FRMPD2: variants seen among roughly 807,000 people sequenced by gnomAD.
The protein encoded by FRMPD2 is FERM and PDZ domain containing 2, also known as FERM and PDZ domain-containing protein 2.
FRMPD2 carries 96 observed loss-of-function variants against 140.1 expected under a neutral mutation model. The ratio of observed to expected loss-of-function variants is 0.69; its 90% confidence interval spans 0.58 to 0.81. The LOEUF is 0.81. FRMPD2 is among the 40% of genes least tolerant of loss of function. The probability of loss-of-function intolerance (pLI) is 0.00; values close to 1 mark genes in which losing one functional copy is unlikely to be tolerated. For synonymous variants in FRMPD2, 449 were observed against 547.6 expected (o/e 0.82, Z 2.52); for missense variants, 1,240 against 1,447.4 (o/e 0.86, Z 2.32).
At chr10:48,213,640 T>G (rs1447612664) in intron 12 of FRMPD2, among the ~76,000 whole-genome samples, 5 of 151,936 alleles carry the variant, frequency 3.3e-5, no homozygotes, top group Admixed American at 1.3e-4. Context: ...TATTGTCCAG[T>G]GCTAAAAAAA....
rs376234330 is a variant in FRMPD2, at chr10:48,178,038, A to T, written c.2895+9T>A. ...TAACTGCTTTTCAAGCTCTCCTAAA[A>T]ACTCTTACAGTTACACTGAATCCAA... On this transcript the variant is annotated intron_variant, in intron 22 of 28. Coordinates refer to ENST00000374201, the MANE Select transcript of FRMPD2 (RefSeq NM_001018071.4). 9 of 1,549,998 alleles carry T rather than the reference A, an allele frequency of 5.8e-6. No homozygotes were observed. In the African/African-American group the frequency reaches 1.2e-4, roughly 21 times the overall value.
chr10:48,194,642 GC>G (rs1477916368), intron 15 of FRMPD2, among the ~76,000 whole-genome samples: 1 of 152,160 alleles, frequency 6.6e-6, no homozygotes, highest in Admixed American at 6.5e-5. Flanking sequence ...GAGCTCAAGG[GC>G]CTGTGAGATG....
intron 10 of FRMPD2, among the ~76,000 whole-genome samples, chr10:48,227,355 C>G (rs1249521799): frequency 2.0e-5 from 3 of 152,132 alleles, no homozygotes; most frequent in Non-Finnish European, 4.4e-5. Flanking sequence ...CTTCTCTGGT[C>G]TCCACCAGCT....
chr10:48,269,301 T>C (rs879940094), intron 1 of FRMPD2, among the ~76,000 whole-genome samples: 5 of 152,226 alleles, frequency 3.3e-5, no homozygotes, highest in Non-Finnish European at 7.3e-5. Context: ...GAGCCATCTA[T>C]CAAAATTGAG....
In FRMPD2 at chr10:48,171,221, A is replaced by T. The variant is rs1156774793; in HGVS notation, c.3224-13T>A. 4.3e-6 allele frequency: 3 copies of T among 700,034 alleles called. No individual in the cohort carries two copies. The highest frequency in any genetic ancestry group is 2.0e-5 in the Admixed American group (1 of 50,396). 43.4% of individuals were successfully genotyped at this position (700,034 alleles called of 1,614,324 possible). ...TCAAACTTAGGACCTGTAGTGTGGG[A>T]TGTTGATAAAAATAAATTCTTCAGT... is the stretch of plus-strand genomic sequence containing the variant. On this transcript the variant is annotated splice_polypyrimidine_tract_variant and intron_variant, in intron 25 of 28. Transcript: ENST00000374201.
At chr10:48,250,904 C>A (rs280611) in intron 2 of FRMPD2, among the ~76,000 whole-genome samples, 13,673 of 149,000 alleles carry the variant, frequency 0.092, 2,045 homozygotes, top group African/African-American at 0.32. Flanking sequence ...TCAGGAAATT[C>A]TCCTGTCTCC....
At chr10:48,200,646 C>G (rs1272026166) in intron 15 of FRMPD2, among the ~76,000 whole-genome samples, 1 of 152,200 alleles carries the variant, frequency 6.6e-6, no homozygotes, top group South Asian at 2.1e-4. Context: ...CAGGTATTTC[C>G]ATCATTGAAG....
At chr10:48,201,446 A>C in intron 14 of FRMPD2, 62 bp from the exon 15 acceptor site, 1 of 1,515,954 alleles carries the variant, frequency 6.6e-7, no homozygotes, top group East Asian at 2.3e-5. Flanking sequence ...CTGACGCACA[A>C]CTGCAAGAAA....
intron 1 of FRMPD2, among the ~76,000 whole-genome samples, chr10:48,268,500 T>C (rs1840714957): frequency 6.6e-6 from 1 of 152,246 alleles, no homozygotes. Flanking sequence ...AACTGTTAAG[T>C]CAAAATGTCT....
chr10:48,252,699 G>A (rs550082644), intron 1 of FRMPD2, among the ~76,000 whole-genome samples: 1 of 152,244 alleles, frequency 6.6e-6, no homozygotes, highest in South Asian at 2.1e-4. Flanking sequence ...AGCCGCAGCA[G>A]GACCCCCTCA....
chr10:48,220,448 C>A (rs1166341833), intron 12 of FRMPD2, among the ~76,000 whole-genome samples: 1 of 152,068 alleles, frequency 6.6e-6, no homozygotes, highest in Non-Finnish European at 1.5e-5. Flanking sequence ...CAAGATGGAT[C>A]AAAGACTTAA....
At chr10:48,274,266 A>G (rs1412756404) in intron 1 of FRMPD2, among the ~76,000 whole-genome samples, 1 of 152,252 alleles carries the variant, frequency 6.6e-6, no homozygotes, top group African/African-American at 2.4e-5. Context: ...ACAGATGCTG[A>G]ATAGCAAAGC....
intron 13 of FRMPD2, among the ~76,000 whole-genome samples, chr10:48,210,013 T>C (rs1419330143): frequency 6.6e-6 from 1 of 152,186 alleles, no homozygotes; most frequent in Non-Finnish European, 1.5e-5. Flanking sequence ...TATATGCATA[T>C]ACATATATAT....
At chr10:48,209,523 T>C (rs535256858) in intron 13 of FRMPD2, among the ~76,000 whole-genome samples, 1 of 152,338 alleles carries the variant, frequency 6.6e-6, no homozygotes, top group East Asian at 1.9e-4. Flanking sequence ...GTCTTCTCCT[T>C]TTTCTAATGA....
Position 48,187,265 on chromosome 10 carries a change from C to G in FRMPD2, c.2193G>C (p.Lys731Asn), listed in dbSNP as rs761053648. 1 of 1,614,060 alleles carries G rather than the reference C, an allele frequency of 6.2e-7. No individual in the cohort carries two copies. Among genetic ancestry groups the G allele is most frequent in the Non-Finnish European group, 8.5e-7 (1 of 1,179,994 alleles). ...TTGGCTTCTGGATCACACAGGCACTCTTCAGCTGCTCCCGGCCAGTGCAGG... is the reference window on the plus strand; with the variant it reads ...TTGGCTTCTGGATCACACAGGCACTGTTCAGCTGCTCCCGGCCAGTGCAGG... ...RSPCTGREQL[K>N]SACVIQKPMT... Residue 731 changes from lysine to asparagine, a missense_variant, in exon 17 of 29, where the codon AAG becomes AAC. Lys to Asn is a moderately conservative substitution (Grantham distance 94). This residue lies in a region of FRMPD2 where 1,161 missense variants were observed against 1,055.9 expected (regional missense o/e 1.10). Transcript: ENST00000374201.
chr10:48,171,584 A>G (rs1374004234), intron 25 of FRMPD2, among the ~76,000 whole-genome samples: 4 of 152,294 alleles, frequency 2.6e-5, no homozygotes, highest in Non-Finnish European at 5.9e-5. Context: ...CATGTCATCA[A>G]TATGAAAAAA....
chr10:48,181,678 T>C (rs954013027), intron 20 of FRMPD2, among the ~76,000 whole-genome samples: 21 of 151,770 alleles, frequency 1.4e-4, no homozygotes, highest in Non-Finnish European at 2.8e-4. Context: ...TAGAAAAACC[T>C]TGGGCAAGGT....
At chr10:48,203,514 C>T (rs1384465230) in intron 14 of FRMPD2, among the ~76,000 whole-genome samples, 1 of 152,074 alleles carries the variant, frequency 6.6e-6, no homozygotes, top group African/African-American at 2.4e-5. Flanking sequence ...ATTAGGTGGG[C>T]GCCATTACTC....
chr10:48,269,747 A>G (rs888472644), intron 1 of FRMPD2, among the ~76,000 whole-genome samples: 1 of 152,214 alleles, frequency 6.6e-6, no homozygotes, highest in African/African-American at 2.4e-5. Context: ...GCAGACCATT[A>G]AAAATACTGG....
Sources: gnomAD v4.1 joint callset for allele counts (sites outside exome capture counted in the v4.1 genomes callset) on GRCh38, gnomAD v4.1.1 for gene constraint, gnomAD v4.1.1 regional missense constraint, MANE v1.5 for transcripts, NCBI Gene and HGNC (gene_info 2026-07-23, HGNC 2026-07-21) for gene names.